The following MYO18B variants were observed in gnomAD, a reference collection of about 807,000 sequenced individuals.
MYO18B encodes myosin XVIIIB.
A neutral mutation model predicts 273.0 loss-of-function variants in MYO18B; 204 were observed. The observed-to-expected ratio is 0.75, with a 90% CI of 0.67 to 0.84. The LOEUF (loss-of-function observed/expected upper bound fraction) is 0.84, where lower values mean the gene tolerates loss of function less well. MYO18B is among the 40% of genes least tolerant of loss of function. The pLI is 0.00. For missense variants in MYO18B, 3,212 were observed against 3,287.6 expected (o/e 0.98, Z 0.56); for synonymous variants, 1,330 against 1,305.7 (o/e 1.02, Z -0.40).
chr22:26,041,371 A>AAAAAC, the MYO18B span, among the ~76,000 whole-genome samples: 1 of 150,462 alleles, frequency 6.6e-6, no homozygotes, highest in Non-Finnish European at 1.5e-5. Context: ...AAAAAAAAAA[A>AAAAAC]ACAAAACTAG....
At chr22:25,941,341 C>T (rs1352075654) in intron 34 of MYO18B, among the ~76,000 whole-genome samples, 1 of 152,182 alleles carries the variant, frequency 6.6e-6, no homozygotes, top group Non-Finnish European at 1.5e-5. Flanking sequence ...CTCAGGTCCT[C>T]ATTGTCACAC....
At chr22:25,936,892 A>G (rs891859129) in intron 34 of MYO18B, among the ~76,000 whole-genome samples, 1 of 152,022 alleles carries the variant, frequency 6.6e-6, no homozygotes, top group African/African-American at 2.4e-5. Context: ...TCTAAACCTT[A>G]TTACCTCCCC....
At position 25,745,632 on chromosome 22, in the gene MYO18B, C is replaced by T. The variant is rs1248083722; in HGVS notation, c.-110+3339C>T. ...TCTGCTTCTTTTTTACTGTGTTTCT[C>T]CCTGATGCTGATTTACTTTTAAGAA... On this transcript the variant is annotated intron_variant, in intron 1 of 43. Transcript: ENST00000335473. 2.0e-5 allele frequency among the ~76,000 whole-genome samples: 3 copies of T among 152,282 alleles called. No homozygotes were observed. The East Asian group carries it at 5.8e-4, about 29-fold the overall frequency.
intron 34 of MYO18B, among the ~76,000 whole-genome samples, chr22:25,944,149 G>A (rs1316994885): frequency 3.3e-5 from 5 of 152,208 alleles, no homozygotes; most frequent in Non-Finnish European, 4.4e-5. Flanking sequence ...TCCTAGCCAT[G>A]GCAGAGGCAC....
intron 1 of MYO18B, among the ~76,000 whole-genome samples, chr22:25,752,771 C>G (rs1275554848): frequency 1.3e-5 from 2 of 152,236 alleles, no homozygotes; most frequent in Non-Finnish European, 2.9e-5. Flanking sequence ...GCTTGAGGAG[C>G]CCCTCTCTAG....
Position 25,823,665 on chromosome 22 carries a change from G to A in MYO18B, c.2682G>A (p.Glu894=), listed in dbSNP as rs768675922. 1.1e-5 allele frequency: 17 copies of A among 1,613,882 alleles called. No homozygotes were observed. The highest frequency in any genetic ancestry group is 6.7e-5 in the East Asian group (3 of 44,884). The change falls in exon 13 of 44, where the codon GAG becomes GAA. Residue 894 remains glutamate (E), a synonymous_variant. Transcript: ENST00000335473. ...CAAGCCGATGGGGCCTCGAGGATGA[G>A]GAAACCAGCTCAGGTACATGGCTGC... ...FGPSRWGLED[E]ETSSGLKMTG... is the part of the protein sequence containing the mutation.
intron 1 of MYO18B, among the ~76,000 whole-genome samples, chr22:25,752,982 A>C (rs2085982460): frequency 6.6e-6 from 1 of 152,188 alleles, no homozygotes; most frequent in Admixed American, 6.5e-5. Context: ...GTCCCCCAGC[A>C]CTGCTGGCCC....
intron 1 of MYO18B, among the ~76,000 whole-genome samples, chr22:25,747,928 A>G (rs956153500): frequency 1.3e-5 from 2 of 152,202 alleles, no homozygotes; most frequent in African/African-American, 4.8e-5. Context: ...CAACAGGCAT[A>G]GTGAGGCCCA....
At chr22:26,015,431 A>G (rs564962780) in intron 42 of MYO18B, among the ~76,000 whole-genome samples, 6 of 152,378 alleles carry the variant, frequency 3.9e-5, no homozygotes, top group Admixed American at 3.9e-4. Flanking sequence ...CTGGATAAAG[A>G]AAATGTGGTA....
chr22:25,745,946 G>A (rs2085766769), intron 1 of MYO18B, among the ~76,000 whole-genome samples: 1 of 152,122 alleles, frequency 6.6e-6, no homozygotes, highest in Admixed American at 6.6e-5. Flanking sequence ...AGTGAGCTTG[G>A]GCGTGAGTTA....
chr22:26,002,750 G>C (rs1401531761), intron 40 of MYO18B, among the ~76,000 whole-genome samples: 1 of 151,994 alleles, frequency 6.6e-6, no homozygotes, highest in Non-Finnish European at 1.5e-5. Flanking sequence ...ACATGGGGTA[G>C]GTAGATGAGA....
At chr22:25,854,540 A>C (rs988046947) in intron 21 of MYO18B, among the ~76,000 whole-genome samples, 1 of 152,226 alleles carries the variant, frequency 6.6e-6, no homozygotes, top group Non-Finnish European at 1.5e-5. Flanking sequence ...TGCCATAACC[A>C]TTTTTAAGTG....
At chr22:25,829,770 G>A (rs958099339) in intron 15 of MYO18B, among the ~76,000 whole-genome samples, 3 of 151,968 alleles carry the variant, frequency 2.0e-5, no homozygotes, top group Admixed American at 1.3e-4. Flanking sequence ...CCCGGGAGGT[G>A]GAGGTCGTGG....
At chr22:25,955,134 C>A (rs1052455048) in intron 38 of MYO18B, 45 bp from the exon 39 acceptor site, 2 of 1,516,782 alleles carry the variant, frequency 1.3e-6, no homozygotes, top group Non-Finnish European at 1.8e-6. Flanking sequence ...TTTCATACCC[C>A]TGGCCTCCAA....
intron 17 of MYO18B, among the ~76,000 whole-genome samples, chr22:25,840,245 T>C (rs1310628681): frequency 6.6e-6 from 1 of 152,160 alleles, no homozygotes; most frequent in African/African-American, 2.4e-5. Flanking sequence ...TCCTCTCCTC[T>C]CTCCTGTCAC....
chr22:25,776,448 A>C (rs2086916757), intron 7 of MYO18B, among the ~76,000 whole-genome samples: 1 of 152,222 alleles, frequency 6.6e-6, no homozygotes, highest in African/African-American at 2.4e-5. Context: ...AAATACAAAA[A>C]TTAGCCAGGC....
intron 1 of MYO18B, among the ~76,000 whole-genome samples, chr22:25,754,721 C>T (rs903753681): frequency 3.9e-5 from 6 of 152,184 alleles, no homozygotes; most frequent in African/African-American, 9.6e-5. Context: ...TAAATTAAGT[C>T]TTGACAAAAC....
intron 23 of MYO18B, among the ~76,000 whole-genome samples, chr22:25,875,199 A>G (rs2091157733): frequency 6.6e-6 from 1 of 152,220 alleles, no homozygotes; most frequent in Admixed American, 6.5e-5. Context: ...ATGATGTGGA[A>G]TAGAGTTTCA....
chr22:25,771,217 G>A (rs370073835), intron 6 of MYO18B, among the ~76,000 whole-genome samples: 17 of 152,296 alleles, frequency 1.1e-4, no homozygotes, highest in Middle Eastern at 3.4e-3. Context: ...CCCTTAATGA[G>A]GACACATCAA....
Sources: allele counts gnomAD v4.1 joint callset (sites outside exome capture counted in the v4.1 genomes callset), GRCh38; gene constraint gnomAD v4.1.1; transcripts MANE v1.5; gene names NCBI Gene and HGNC (gene_info 2026-07-23, HGNC 2026-07-21).